The following TSEN15 variants were observed in gnomAD, a reference collection of about 807,000 sequenced individuals.
The protein encoded by TSEN15 is tRNA-splicing endonuclease subunit Sen15.
In TSEN15, 10 loss-of-function variants were observed where a neutral mutation model predicts 20.5. That is an observed-to-expected ratio of 0.49 (90% CI 0.30 to 0.83). The LOEUF (loss-of-function observed/expected upper bound fraction) is 0.83, where lower values mean the gene tolerates loss of function less well. Ranked by LOEUF, TSEN15 falls within the 40% of genes least tolerant of loss-of-function variation. The probability of loss-of-function intolerance (pLI) is 0.06; values close to 1 mark genes in which losing one functional copy is unlikely to be tolerated. For missense variants in TSEN15, 180 were observed against 218.6 expected (o/e 0.82, Z 1.11); for synonymous variants, 72 against 80.1 (o/e 0.90, Z 0.54).
chr1:184,059,362 AAATGAATG>A (rs148797767), intron 3 of TSEN15, among the ~76,000 whole-genome samples: 1 of 152,092 alleles, frequency 6.6e-6, no homozygotes, highest in African/African-American at 2.4e-5. Context: ...TTAAGGCAGC[AAATGAATG>A]AATGAATGAA....
intron 3 of TSEN15, among the ~76,000 whole-genome samples, chr1:184,067,941 A>AAAAAAAAATAT (rs1400681024): frequency 1.0e-4 from 10 of 95,570 alleles, no homozygotes; most frequent in African/African-American, 4.2e-4. Context: ...AAAAAAAAAA[A>AAAAAAAAATAT]ATATATATAT....
chr1:184,054,469 G>A (rs189109790), intron 2 of TSEN15, 34 bp downstream of exon 2: 25 of 1,498,824 alleles, frequency 1.7e-5, no homozygotes, highest in Non-Finnish European at 2.2e-5. Context: ...TTGTTATTGG[G>A]ACTGTGGTAG....
At position 184,051,859 on chromosome 1, in the gene TSEN15, C is replaced by T; in HGVS notation, c.104C>T (p.Pro35Leu). 6.4e-7 allele frequency: 1 copy of T among 1,553,346 alleles called. No individual in the cohort carries two copies. The highest frequency in any genetic ancestry group is 8.7e-7 in the Non-Finnish European group (1 of 1,149,442). The change falls in exon 1 of 5, where the codon CCT (proline) becomes CTT (leucine). Residue 35 changes from proline (P) to leucine (L), a missense_variant. Pro to Leu is a moderately conservative substitution (Grantham distance 98, BLOSUM62 -3). This residue lies in a region of TSEN15 where 76 missense variants were observed against 66.5 expected (regional missense o/e 1.14). Coordinates refer to ENST00000645668, the MANE Select transcript of TSEN15 (RefSeq NM_052965.4). ...GGCGGTGGAGCTCCTTCGTGGGCCC[C>T]TGAGGACGCCTGGATGGGCACTCAC... ...GDGGGAPSWA[P>L]EDAWMGTHPK...
At chr1:184,055,855 GATA>G (rs1473398660) in intron 3 of TSEN15, among the ~76,000 whole-genome samples, 1 of 151,954 alleles carries the variant, frequency 6.6e-6, no homozygotes, top group African/African-American at 2.4e-5. Context: ...CTAGATTCTT[GATA>G]ATAACTAACA....
chr1:184,055,123 G>C (rs1650200681), intron 3 of TSEN15: 1 of 323,192 alleles, frequency 3.1e-6, no homozygotes, highest in Non-Finnish European at 5.6e-6. Flanking sequence ...TTTACAGTAA[G>C]CATGGTGCTG....
At chr1:184,066,147 A>T (rs1311239232) in intron 3 of TSEN15, among the ~76,000 whole-genome samples, 1 of 152,030 alleles carries the variant, frequency 6.6e-6, no homozygotes, top group East Asian at 1.9e-4. Flanking sequence ...ATTTTTAGTT[A>T]ATTTTTATGA....
At chr1:184,064,466 A>G (rs1650574504) in intron 3 of TSEN15, among the ~76,000 whole-genome samples, 1 of 152,044 alleles carries the variant, frequency 6.6e-6, no homozygotes. Flanking sequence ...AGAAGGAGTG[A>G]GTATGTGTGA....
chr1:184,061,192 C>T (rs187821938), intron 3 of TSEN15, among the ~76,000 whole-genome samples: 74 of 152,212 alleles, frequency 4.9e-4, no homozygotes, highest in Non-Finnish European at 9.9e-4. Flanking sequence ...AAATACCCTG[C>T]CAACTTTACT....
chr1:184,093,348 G>A (rs765974368), intron 3 of TSEN15, among the ~76,000 whole-genome samples: 44 of 152,154 alleles, frequency 2.9e-4, no homozygotes, highest in Non-Finnish European at 5.1e-4. Context: ...GCAGGGTGGT[G>A]GAGTGGAAGG....
chr1:184,082,439 A>C (rs1327144), intron 3 of TSEN15, among the ~76,000 whole-genome samples: 64,725 of 151,956 alleles, frequency 0.43, 14,667 homozygotes, highest in East Asian at 0.62. Flanking sequence ...AGCATGTTGA[A>C]GAAAGATCCT....
intron 3 of TSEN15, among the ~76,000 whole-genome samples, chr1:184,087,015 G>C (rs920197332): frequency 6.6e-6 from 1 of 152,060 alleles, no homozygotes; most frequent in African/African-American, 2.4e-5. Context: ...TCACTTAAAA[G>C]GGACTGTATA....
chr1:184,075,073 A>C (rs1232754527), downstream of TSEN15, among the ~76,000 whole-genome samples: 1 of 152,202 alleles, frequency 6.6e-6, no homozygotes, highest in East Asian at 1.9e-4. Context: ...TGTAAGGATA[A>C]TGTCAGATTT....
Position 184,051,908 on chromosome 1 carries a change from G to T in TSEN15, c.135+18G>T. ...ACCCTAAGGTCAGGAGGCGCGAGAG[G>T]AGCAGGGCGCCGTCCAGGCCCCTAA... On this transcript the variant is annotated intron_variant, in intron 1 of 4. Coordinates refer to ENST00000645668, the MANE Select transcript of TSEN15 (RefSeq NM_052965.4). 1 of 1,519,758 alleles carries T rather than the reference G, an allele frequency of 6.6e-7. No homozygotes were observed. 94.1% of individuals were successfully genotyped at this position (1,519,758 alleles called of 1,614,324 possible).
At chr1:184,079,854 C>A (rs572561822) in intron 3 of TSEN15, among the ~76,000 whole-genome samples, 2 of 152,254 alleles carry the variant, frequency 1.3e-5, no homozygotes, top group South Asian at 4.1e-4. Flanking sequence ...ATTGGTGAGA[C>A]ATGACCTCTA....
chr1:184,060,514 T>TA (rs573407217), intron 3 of TSEN15, among the ~76,000 whole-genome samples: 51 of 152,260 alleles, frequency 3.3e-4, no homozygotes, highest in Non-Finnish European at 5.7e-4. Context: ...TGAAGGGCTT[T>TA]AAGCAAGGAA....
Position 184,054,788 on chromosome 1 carries a change from T to G in TSEN15, c.278T>G (p.Val93Gly), listed in dbSNP as rs1650184516. The G allele has an allele frequency of 1.9e-6, 3 of 1,612,254 alleles. No homozygotes were observed. The highest frequency in any genetic ancestry group is 2.5e-6 in the Non-Finnish European group (3 of 1,179,546). Reference protein sequence around the residue: ...GLPELQLICLVGTEIEGEGLQ... With the variant: ...GLPELQLICLGGTEIEGEGLQ... ...CCAGAACTCCAGCTCATCTGCCTTG[T>G]TGGTACTGAGATAGAAGGGGAGGGG... The change falls in exon 3 of 5, where the codon GTT becomes GGT. Residue 93 changes from valine (V) to glycine (G), a missense_variant. Val to Gly is a moderately radical substitution (Grantham distance 109). This residue lies in a region of TSEN15 where 76 missense variants were observed against 123.4 expected (regional missense o/e 0.62). Coordinates refer to ENST00000645668, the MANE Select transcript of TSEN15 (RefSeq NM_052965.4).
downstream of TSEN15, among the ~76,000 whole-genome samples, chr1:184,076,477 A>G (rs1206618007): frequency 6.6e-6 from 1 of 152,130 alleles, no homozygotes; most frequent in Non-Finnish European, 1.5e-5. Flanking sequence ...AAACAGCAAT[A>G]TTGAAATTAG....
intron 3 of TSEN15, among the ~76,000 whole-genome samples, chr1:184,084,166 A>T (rs137914810): frequency 6.6e-6 from 1 of 152,146 alleles, no homozygotes; most frequent in Non-Finnish European, 1.5e-5. Flanking sequence ...TGAAATGGTT[A>T]TGTGAGGATA....
intron 3 of TSEN15, among the ~76,000 whole-genome samples, chr1:184,090,796 C>T (rs1365939493): frequency 1.3e-5 from 2 of 152,194 alleles, no homozygotes; most frequent in Non-Finnish European, 2.9e-5. Flanking sequence ...CTCTGATCCT[C>T]CAGGCTTGCT....
Sources: allele counts gnomAD v4.1 joint callset (sites outside exome capture counted in the v4.1 genomes callset), GRCh38; gene constraint gnomAD v4.1.1; regional missense constraint gnomAD v4.1.1; transcripts MANE v1.5; gene names NCBI Gene and HGNC (gene_info 2026-07-23, HGNC 2026-07-21).